SGIP1: variants seen among roughly 807,000 people sequenced by gnomAD.
SGIP1 encodes SH3-containing GRB2-like protein 3-interacting protein 1.
SGIP1 carries 38 observed loss-of-function variants against 107.5 expected under a neutral mutation model. The observed-to-expected ratio is 0.35, with a 90% CI of 0.27 to 0.46. SGIP1 has a LOEUF of 0.46. Among genes scored for constraint, SGIP1 ranks in the 20% least tolerant of loss-of-function variants. SGIP1 has a pLI of 1.00. For missense variants in SGIP1, 929 were observed against 1,019.5 expected (o/e 0.91, Z 1.21); for synonymous variants, 365 against 366.1 (o/e 1.00, Z 0.03).
intron 1 of SGIP1, among the ~76,000 whole-genome samples, chr1:66,540,103 G>GT (rs2054560378): frequency 1.3e-5 from 2 of 151,898 alleles, no homozygotes. Context: ...TATGATGGAC[G>GT]TAAGAAAAAA....
intron 21 of SGIP1, among the ~76,000 whole-genome samples, chr1:66,735,262 C>G (rs909953999): frequency 3.3e-5 from 5 of 152,198 alleles, no homozygotes; most frequent in Admixed American, 2.6e-4. Context: ...GTTGCCCAAG[C>G]TGGAGTGCAG....
At chr1:66,618,282 A>T (rs2069960819) in intron 1 of SGIP1, among the ~76,000 whole-genome samples, 1 of 152,238 alleles carries the variant, frequency 6.6e-6, no homozygotes, top group Non-Finnish European at 1.5e-5. Flanking sequence ...AGATTGGTCC[A>T]TCTGGTATAG....
chr1:66,533,683 A>T (rs2052892153), upstream of SGIP1: 1 of 152,372 alleles, frequency 6.6e-6, no homozygotes. Flanking sequence ...GTAAAAGGAC[A>T]CCGGAATGGG....
intron 1 of SGIP1, among the ~76,000 whole-genome samples, chr1:66,610,459 C>T (rs2067742677): frequency 6.6e-6 from 1 of 152,130 alleles, no homozygotes; most frequent in Non-Finnish European, 1.5e-5. Context: ...CCCTGGAGTT[C>T]AGTTTTGCTC....
At chr1:66,688,352 C>T (rs1463601545) in intron 15 of SGIP1, among the ~76,000 whole-genome samples, 1 of 152,112 alleles carries the variant, frequency 6.6e-6, no homozygotes, top group African/African-American at 2.4e-5. Flanking sequence ...ATCCAGAGAC[C>T]CCACTGGTGT....
chr1:66,741,570 A>G, intron 24 of SGIP1, 134 bp downstream of exon 24: 1 of 880,710 alleles, frequency 1.1e-6, no homozygotes, highest in Admixed American at 3.4e-5. Flanking sequence ...CAATTAGAAA[A>G]CCAACCAATT....
At chr1:66,563,849 G>T (rs889070667) in intron 1 of SGIP1, among the ~76,000 whole-genome samples, 1 of 152,000 alleles carries the variant, frequency 6.6e-6, no homozygotes, top group African/African-American at 2.4e-5. Flanking sequence ...CTAGCAAAGA[G>T]AAAGATGAAT....
At chr1:66,587,686 A>T (rs2062850264) in intron 1 of SGIP1, among the ~76,000 whole-genome samples, 1 of 152,094 alleles carries the variant, frequency 6.6e-6, no homozygotes, top group African/African-American at 2.4e-5. Flanking sequence ...AGTTGACATT[A>T]CCTTAACAAA....
chr1:66,671,904 T>C, intron 10 of SGIP1, 40 bp from the exon 11 acceptor site: 1 of 1,601,110 alleles, frequency 6.2e-7, no homozygotes, highest in East Asian at 2.2e-5. Flanking sequence ...CAGGGAATGG[T>C]AAAAATTTGT....
At position 66,660,145 on chromosome 1, in the gene SGIP1, G is replaced by GAGAAAGAAAGAA. The variant is rs71575496; in HGVS notation, c.460-308_460-297dup. 96 of 42,512 alleles carry GAGAAAGAAAGAA rather than the reference G, an allele frequency of 2.3e-3. 1 individual carries two copies. Among genetic ancestry groups the GAGAAAGAAAGAA allele is most frequent in the Non-Finnish European group, 2.6e-3 (65 of 25,380 alleles). The allele number at this position is 42,512 out of a possible 1,614,324, so 2.6% of individuals were successfully genotyped here. ...GAAAGAAAGAAAGAAAGAAAGAAGAGAGAAAGAAAGAAAGAAAGAAAGAAA... is the reference window on the plus strand; with the variant it reads ...GAAAGAAAGAAAGAAAGAAAGAAGAGAGAAAGAAAGAAAGAAAGAAAGAAAGAAAGAAAGAAA... On this transcript the variant is annotated intron_variant, in intron 7 of 24. Coordinates refer to ENST00000371037, the MANE Select transcript of SGIP1 (RefSeq NM_032291.4).
At position 66,742,969 on chromosome 1, in the gene SGIP1, T is replaced by G. The variant is rs531235387; in HGVS notation, c.2465-104T>G. The G allele has an allele frequency of 1.6e-5, 18 of 1,148,018 alleles. No individual in the cohort carries two copies. The East Asian group carries it at 4.0e-4, about 26-fold the overall frequency. 71.1% of individuals were successfully genotyped at this position (1,148,018 alleles called of 1,614,324 possible). A position where few individuals can be genotyped will look rare whatever the true frequency, so the allele number is the denominator to read the frequency against. ...TATTGTACCTCTGAAGTATGCAGTA[T>G]CTGGCTCCTAGGGGTAGGGAAGGAG... On this transcript the variant is annotated intron_variant, in intron 24 of 24. Coordinates refer to ENST00000371037, the MANE Select transcript of SGIP1 (RefSeq NM_032291.4).
At chr1:66,727,698 AG>A (rs2093820221) in intron 19 of SGIP1, among the ~76,000 whole-genome samples, 1 of 152,252 alleles carries the variant, frequency 6.6e-6, no homozygotes, top group Non-Finnish European at 1.5e-5. Context: ...AGCCACAAAA[AG>A]AAATGAACTA....
At chr1:66,672,209 T>TGTCTATCA (rs1186518275) in intron 11 of SGIP1, among the ~76,000 whole-genome samples, 1 of 152,174 alleles carries the variant, frequency 6.6e-6, no homozygotes, top group African/African-American at 2.4e-5. Flanking sequence ...TGCCCTTATC[T>TGTCTATCA]GAAGTAACTG....
intron 1 of SGIP1, among the ~76,000 whole-genome samples, chr1:66,572,602 G>T (rs919736078): frequency 2.0e-5 from 3 of 151,860 alleles, no homozygotes; most frequent in Non-Finnish European, 2.9e-5. Context: ...CTTCCCTTTT[G>T]TTTTTTTCAC....
At chr1:66,691,468 A>G (rs2150112893) in intron 17 of SGIP1, among the ~76,000 whole-genome samples, 1 of 152,358 alleles carries the variant, frequency 6.6e-6, no homozygotes, top group Non-Finnish European at 1.5e-5. Context: ...TGGTGAAAAT[A>G]GAGCCAGTTA....
intron 23 of SGIP1, 26 bp from the exon 24 acceptor site, chr1:66,741,246 C>T (rs1256161134): frequency 3.2e-6 from 5 of 1,546,140 alleles, no homozygotes; most frequent in Non-Finnish European, 4.4e-6. Flanking sequence ...TTGACTGTTA[C>T]CTTGTAATAA....
At chr1:66,680,136 T>G (rs768458375) in intron 14 of SGIP1, among the ~76,000 whole-genome samples, 1 of 152,308 alleles carries the variant, frequency 6.6e-6, no homozygotes, top group Non-Finnish European at 1.5e-5. Flanking sequence ...TTCAAGAGAA[T>G]TTTGCTAAGT....
intron 19 of SGIP1, among the ~76,000 whole-genome samples, chr1:66,728,850 G>C (rs912798122): frequency 2.6e-5 from 4 of 152,090 alleles, no homozygotes; most frequent in Non-Finnish European, 5.9e-5. Flanking sequence ...AACCAACACA[G>C]GAACAGAAAA....
intron 21 of SGIP1, among the ~76,000 whole-genome samples, chr1:66,736,918 T>C (rs937098472): frequency 6.6e-6 from 1 of 152,078 alleles, no homozygotes; most frequent in Admixed American, 6.6e-5. Context: ...CAAAAGAATA[T>C]AATTTTTTCT....
Sources: gnomAD v4.1 joint callset for allele counts (sites outside exome capture counted in the v4.1 genomes callset) on GRCh38, gnomAD v4.1.1 for gene constraint, MANE v1.5 for transcripts, NCBI Gene and HGNC (gene_info 2026-07-23, HGNC 2026-07-21) for gene names.